GLYATL3: variants seen among roughly 807,000 people sequenced by gnomAD.
The protein encoded by GLYATL3 is glycine-N-acyltransferase like 3.
A neutral mutation model predicts 28.5 loss-of-function variants in GLYATL3; 31 were observed. The observed-to-expected ratio is 1.09, with a 90% confidence interval of 0.82 to 1.47. The LOEUF (loss-of-function observed/expected upper bound fraction) is 1.47. GLYATL3 is among the 40% of genes most tolerant of loss of function. The pLI, the probability that GLYATL3 is intolerant of heterozygous loss-of-function variation, is 0.00. For synonymous variants in GLYATL3, 141 were observed against 140.2 expected, an observed-to-expected ratio of 1.01 and a Z score of -0.04; for missense variants, 369 against 351.5, an observed-to-expected ratio of 1.05 and a Z score of -0.40.
intron 4 of GLYATL3, among the ~76,000 whole-genome samples, chr6:49,517,764 C>A (rs151146571): frequency 1.2e-4 from 19 of 152,102 alleles, no homozygotes; most frequent in African/African-American, 4.3e-4. Context: ...TCTAATGAGG[C>A]ATGCATGGCC....
At chr6:49,500,462 A>G (rs933415353) in intron 1 of GLYATL3, among the ~76,000 whole-genome samples, 1 of 152,228 alleles carries the variant, frequency 6.6e-6, no homozygotes, top group African/African-American at 2.4e-5. Context: ...GTATTACATT[A>G]CAAAAACAGA....
At chr6:49,515,948 CCTCT>C (rs1424352805) in intron 3 of GLYATL3, among the ~76,000 whole-genome samples, 188 bp downstream of exon 3, 1 of 135,724 alleles carries the variant, frequency 7.4e-6, no homozygotes, top group Non-Finnish European at 1.6e-5. Context: ...TCTCTCCCTC[CCTCT>C]CTCTCTCTCT....
At chr6:49,504,266 TGTTA>T (rs1768969932) in intron 1 of GLYATL3, among the ~76,000 whole-genome samples, 1 of 149,558 alleles carries the variant, frequency 6.7e-6, no homozygotes, top group Admixed American at 6.8e-5. Flanking sequence ...CGGTTGGATG[TGTTA>T]GTTGTTTTTT....
At chr6:49,506,820 A>G (rs1769019219) in intron 1 of GLYATL3, among the ~76,000 whole-genome samples, 1 of 152,138 alleles carries the variant, frequency 6.6e-6, no homozygotes, top group Non-Finnish European at 1.5e-5. Flanking sequence ...TCACACATCT[A>G]TTGTGAAGGG....
intron 1 of GLYATL3, among the ~76,000 whole-genome samples, chr6:49,503,653 C>T (rs1233642257): frequency 1.3e-5 from 2 of 152,174 alleles, no homozygotes; most frequent in African/African-American, 4.8e-5. Context: ...TAACACAATC[C>T]TTCCACATTA....
At chr6:49,524,193 C>CAGAAGCTTCTTTGCCCT (rs1769362849) in intron 5 of GLYATL3, among the ~76,000 whole-genome samples, 1 of 152,148 alleles carries the variant, frequency 6.6e-6, no homozygotes, top group Non-Finnish European at 1.5e-5. Flanking sequence ...ATATTTCTGC[C>CAGAAGCTTCTTTGCCCT]TGCTTTAAAG....
rs1270794894 is a variant in GLYATL3 at position 49,521,681 on chromosome 6, T to C, written c.350T>C (p.Val117Ala). The change falls in exon 5 of 6, where the codon GTT (valine) becomes GCT (alanine). Residue 117 changes from valine (V) to alanine (A), a missense_variant. Val to Ala is a moderately conservative substitution (Grantham distance 64, BLOSUM62 0). Coordinates refer to ENST00000371197, the MANE Select transcript of GLYATL3 (RefSeq NM_001010904.2). ...QSELYDVSKA[V>A]ANSKQLNIKL... is the part of the protein sequence containing the mutation. Reference sequence around the variant, plus strand: ...GAGTTATATGATGTTTCCAAAGCGGTTGCCAATTCAAAGCAGTTGAATATA... The same window carrying C: ...GAGTTATATGATGTTTCCAAAGCGGCTGCCAATTCAAAGCAGTTGAATATA... 2 of 1,550,490 alleles carry C rather than the reference T, an allele frequency of 1.3e-6. No individual in the cohort carries two copies. The highest frequency in any genetic ancestry group is 2.0e-5 in the Admixed American group (1 of 50,976).
chr6:49,502,251 T>A (rs946088796), intron 1 of GLYATL3, among the ~76,000 whole-genome samples: 14 of 152,278 alleles, frequency 9.2e-5, no homozygotes, highest in African/African-American at 2.9e-4. Flanking sequence ...AAATTATACA[T>A]AGAACAAAAT....
At chr6:49,522,194 T>C (rs918936856) in intron 5 of GLYATL3, among the ~76,000 whole-genome samples, 2 of 152,142 alleles carry the variant, frequency 1.3e-5, no homozygotes, top group African/African-American at 2.4e-5. Flanking sequence ...AGGGACTACA[T>C]ATCTTAAATA....
At chr6:49,516,619 T>G (rs1310535334) in intron 3 of GLYATL3, among the ~76,000 whole-genome samples, 2 of 151,722 alleles carry the variant, frequency 1.3e-5, no homozygotes, top group African/African-American at 4.8e-5. Flanking sequence ...CCTAGAAAAA[T>G]GTGAAATAGA....
At chr6:49,501,227 C>T (rs1322652767) in intron 1 of GLYATL3, among the ~76,000 whole-genome samples, 2 of 150,934 alleles carry the variant, frequency 1.3e-5, no homozygotes, top group African/African-American at 4.8e-5. Context: ...TGGTGAAACC[C>T]CCCATCTCTA....
chr6:49,526,899 C>A lies in GLYATL3; in HGVS notation c.852C>A (p.Gly284=), dbSNP rs1177758993. The change falls in exon 6 of 6, where the codon GGC becomes GGA. Residue 284 remains glycine, a synonymous_variant. Coordinates refer to ENST00000371197, the MANE Select transcript of GLYATL3 (RefSeq NM_001010904.2). ...RLILTPATFS[G]LPHL is the part of the protein sequence containing the mutation. The stretch of plus-strand genomic sequence containing the variant: ...TTCTCACCCCTGCGACTTTCTCTGG[C>A]CTGCCTCACCTCTAGCCCAGTAAAA... 6.5e-6 allele frequency: 10 copies of A among 1,531,814 alleles called. No homozygotes were observed. The highest frequency in any genetic ancestry group is 3.7e-5 in the South Asian group (3 of 81,870). The allele number at this position is 1,531,814 out of a possible 1,614,324, so 94.9% of individuals were successfully genotyped here.
In GLYATL3 at chr6:49,526,951, T is replaced by C. The variant is rs1301394253; in HGVS notation, c.*37T>C. On this transcript the variant is annotated 3_prime_UTR_variant, in exon 6 of 6. Coordinates refer to ENST00000371197, the MANE Select transcript of GLYATL3 (RefSeq NM_001010904.2). The stretch of plus-strand genomic sequence containing the variant: ...ACTGCAGTGGTTTTATTACTTTCCC[T>C]GAGCATACACACACTCTTGGCTGCC... 2.8e-6 allele frequency: 4 copies of C among 1,405,628 alleles called. No individual in the cohort carries two copies. Among genetic ancestry groups the C allele is most frequent in the Non-Finnish European group, 1.9e-6 (2 of 1,055,646 alleles). The allele number at this position is 1,405,628 out of a possible 1,614,324, so 87.1% of individuals were successfully genotyped here.
intron 5 of GLYATL3, among the ~76,000 whole-genome samples, chr6:49,524,397 C>T (rs1006992863): frequency 1.3e-5 from 2 of 152,084 alleles, no homozygotes; most frequent in African/African-American, 2.4e-5. Flanking sequence ...TATCTCTTAC[C>T]GGTCACTGGG....
rs1326570284 is a variant in GLYATL3, at chr6:49,512,075, T to C, written c.78+7T>C. 10 of 1,089,830 alleles carry C rather than the reference T, an allele frequency of 9.2e-6. No individual in the cohort carries two copies. Among genetic ancestry groups the C allele is most frequent in the Admixed American group, 8.9e-5 (4 of 44,798 alleles). The allele number at this position is 1,089,830 out of a possible 1,614,324, so 67.5% of individuals were successfully genotyped here. On this transcript the variant is annotated splice_region_variant and intron_variant, in intron 2 of 5. Coordinates refer to ENST00000371197, the MANE Select transcript of GLYATL3 (RefSeq NM_001010904.2). Reference sequence around the variant, plus strand: ...CTTTCCTGAATCACTCAAGGTACCATAAAATTAATAATTTTATTTTATTTC... The same window carrying C: ...CTTTCCTGAATCACTCAAGGTACCACAAAATTAATAATTTTATTTTATTTC...
intron 5 of GLYATL3, among the ~76,000 whole-genome samples, chr6:49,524,968 C>CAAAAAAAAAAAAAAAAAAAAAAAAAAA (rs911424000): frequency 2.3e-5 from 1 of 43,690 alleles, no homozygotes. Flanking sequence ...GACTCCCTCT[C>CAAAAAAAAAAAAAAAAAAAAAAAAAAA]AAAAAAAAAA....
At chr6:49,507,072 A>T (rs1769023521) in intron 1 of GLYATL3, among the ~76,000 whole-genome samples, 1 of 152,132 alleles carries the variant, frequency 6.6e-6, no homozygotes, top group African/African-American at 2.4e-5. Context: ...GTTCCAAGAT[A>T]GGAGGCAGAG....
At chr6:49,509,817 T>C (rs182804783) in intron 1 of GLYATL3, among the ~76,000 whole-genome samples, 1 of 152,314 alleles carries the variant, frequency 6.6e-6, no homozygotes, top group East Asian at 1.9e-4. Flanking sequence ...CATAGGATTA[T>C]GTTCCATGCT....
rs1769454654 is a variant in GLYATL3 at position 49,528,033 on chromosome 6, T to C, written c.*1119T>C. Among the ~76,000 whole-genome samples, 1 of 152,224 alleles carries C rather than the reference T, an allele frequency of 6.6e-6. No homozygotes were observed. The highest frequency in any genetic ancestry group is 2.4e-5 in the African/African-American group (1 of 41,466). ...TTTTCACTAAATCATGTATCCTTTTTTATAATGAAAATTAAAATGCTTACA... is the reference window on the plus strand; with the variant it reads ...TTTTCACTAAATCATGTATCCTTTTCTATAATGAAAATTAAAATGCTTACA... On this transcript the variant is annotated 3_prime_UTR_variant, in exon 6 of 6. Transcript: ENST00000371197.
Sources: gnomAD v4.1 joint callset for allele counts (sites outside exome capture counted in the v4.1 genomes callset) on GRCh38, gnomAD v4.1.1 for gene constraint, MANE v1.5 for transcripts, NCBI Gene and HGNC (gene_info 2026-07-23, HGNC 2026-07-21) for gene names.